The following TRABD2B variants were observed in gnomAD, a reference collection of about 807,000 sequenced individuals.
TRABD2B encodes metalloprotease TIKI2.
In TRABD2B, 14 loss-of-function variants were observed where a neutral mutation model predicts 40.1. The observed-to-expected ratio is 0.35, with a 90% CI of 0.23 to 0.55. TRABD2B has a LOEUF of 0.55. Ranked by LOEUF, TRABD2B falls within the 20% of genes least tolerant of loss-of-function variation. TRABD2B has a pLI of 0.90. For synonymous variants in TRABD2B, 263 were observed against 277.0 expected (o/e 0.95, Z 0.50); for missense variants, 541 against 648.6 (o/e 0.83, Z 1.80).
chr1:47,787,771 T>C (rs1049830878), intron 4 of TRABD2B, among the ~76,000 whole-genome samples: 4 of 150,790 alleles, frequency 2.7e-5, no homozygotes, highest in Admixed American at 2.0e-4. Flanking sequence ...TCAGGGTTGG[T>C]GCATTCATTC....
Position 47,773,119 on chromosome 1 carries a change from A to G in TRABD2B, c.1349+2051T>C, listed in dbSNP as rs542015692. ...TGACAGCCCAGCTTCCCGTCACCCC[A>G]TGGGCTGGCCCCACCACTGGCCAGG... On this transcript the variant is annotated intron_variant, in intron 6 of 6. Transcript: ENST00000606738. 9.2e-5 allele frequency among the ~76,000 whole-genome samples: 14 copies of G among 152,316 alleles called. 1 individual carries two copies. The East Asian group carries it at 2.7e-3, about 29-fold the overall frequency.
chr1:47,883,753 T>C (rs1056747078), intron 2 of TRABD2B, among the ~76,000 whole-genome samples: 1 of 152,252 alleles, frequency 6.6e-6, no homozygotes, highest in Admixed American at 6.5e-5. Context: ...GCAAACCCAC[T>C]GTTCAGTCTC....
chr1:47,893,638 T>A (rs986774699), intron 2 of TRABD2B, among the ~76,000 whole-genome samples: 2 of 152,234 alleles, frequency 1.3e-5, no homozygotes, highest in African/African-American at 4.8e-5. Context: ...GGGGAGCCCT[T>A]GTGTTTGATT....
chr1:47,795,770 C>T (rs778551319), intron 3 of TRABD2B: 4 of 887,658 alleles, frequency 4.5e-6, no homozygotes, highest in Non-Finnish European at 5.4e-6. Context: ...CATCCCTGCA[C>T]CACCACTTTC....
intron 2 of TRABD2B, among the ~76,000 whole-genome samples, chr1:47,885,349 C>T (rs1644356772): frequency 6.6e-6 from 1 of 152,192 alleles, no homozygotes; most frequent in Non-Finnish European, 1.5e-5. Context: ...TCCACTCTTA[C>T]CATGTGTATC....
chr1:47,996,556 C>G lies in TRABD2B; in HGVS notation c.102+132G>C, dbSNP rs1570438563. On this transcript the variant is annotated intron_variant, in intron 1 of 6. Coordinates refer to ENST00000606738, the MANE Select transcript of TRABD2B (RefSeq NM_001194986.2). The surrounding 1 kb of genome is among the most constrained non-coding windows in gnomAD (Gnocchi z 4.6). ...CAGGCAGGAGCGAAGGAAGGGCGCC[C>G]GAGGCTGCGCCCGGGGGGTGGAGGT... The G allele has an allele frequency of 9.2e-7, 1 of 1,081,924 alleles. No individual in the cohort carries two copies. The highest frequency in any genetic ancestry group is 1.2e-6 in the Non-Finnish European group (1 of 866,132). The allele number at this position is 1,081,924 out of a possible 1,614,324, so 67.0% of individuals were successfully genotyped here.
At chr1:47,866,373 A>G (rs1644057689) in intron 2 of TRABD2B, among the ~76,000 whole-genome samples, 1 of 152,134 alleles carries the variant, frequency 6.6e-6, no homozygotes, top group African/African-American at 2.4e-5. Flanking sequence ...TTCCTGGAAG[A>G]TCAGAGAAGG....
intron 2 of TRABD2B, among the ~76,000 whole-genome samples, chr1:47,807,969 T>C (rs1157229141): frequency 6.6e-6 from 1 of 152,210 alleles, no homozygotes; most frequent in Non-Finnish European, 1.5e-5. Flanking sequence ...GATGGTTAAT[T>C]TTATGTGTCA....
chr1:47,969,681 C>T (rs1194981196), intron 2 of TRABD2B, among the ~76,000 whole-genome samples: 1 of 152,158 alleles, frequency 6.6e-6, no homozygotes, highest in Non-Finnish European at 1.5e-5. Flanking sequence ...GACACAAAGC[C>T]TAAAACGATT....
chr1:47,841,855 C>T (rs1480639470), intron 2 of TRABD2B, among the ~76,000 whole-genome samples: 1 of 151,368 alleles, frequency 6.6e-6, no homozygotes, highest in East Asian at 1.9e-4. Context: ...TCACTGCAAC[C>T]TCTGCTTCCT....
At chr1:47,912,471 G>A (rs1644775587) in intron 2 of TRABD2B, among the ~76,000 whole-genome samples, 1 of 152,190 alleles carries the variant, frequency 6.6e-6, no homozygotes, top group South Asian at 2.1e-4. Flanking sequence ...CCGTCTTTTG[G>A]TTTTGGTTTG....
At chr1:47,946,516 C>A (rs1247298303) in intron 2 of TRABD2B, among the ~76,000 whole-genome samples, 1 of 152,094 alleles carries the variant, frequency 6.6e-6, no homozygotes, top group East Asian at 1.9e-4. Flanking sequence ...CTTCTTTAGT[C>A]TACTGATTTA....
intron 2 of TRABD2B, among the ~76,000 whole-genome samples, chr1:47,910,559 C>A (rs1644749237): frequency 6.6e-6 from 1 of 152,098 alleles, no homozygotes; most frequent in Non-Finnish European, 1.5e-5. Flanking sequence ...AGTCACAGAG[C>A]CATGCAGTGG....
At chr1:47,995,318 C>T (rs2148468414) in intron 1 of TRABD2B, among the ~76,000 whole-genome samples, 1 of 152,238 alleles carries the variant, frequency 6.6e-6, no homozygotes, top group African/African-American at 2.4e-5. Flanking sequence ...TAAAATCTTG[C>T]AAGGCCAAGT....
At position 47,977,716 on chromosome 1, in the gene TRABD2B, A is replaced by C. The variant is rs368202451; in HGVS notation, c.666+16318T>G. 4.6e-5 allele frequency among the ~76,000 whole-genome samples: 7 copies of C among 151,866 alleles called. 1 individual carries two copies. The highest frequency in any genetic ancestry group is 1.7e-4 in the African/African-American group (7 of 41,424). On this transcript the variant is annotated intron_variant, in intron 2 of 6. Coordinates refer to ENST00000606738, the MANE Select transcript of TRABD2B (RefSeq NM_001194986.2). ...AAAAACACACAGGAATAAGGAACCA[A>C]GAGGAAGGACAGGCTCCAGGAGACA...
At chr1:47,986,779 GTT>G (rs1645924571) in intron 2 of TRABD2B, among the ~76,000 whole-genome samples, 1 of 152,208 alleles carries the variant, frequency 6.6e-6, no homozygotes, top group South Asian at 2.1e-4. Context: ...TGGGGCAACA[GTT>G]TTGTGTTCCA....
chr1:47,807,932 A>G (rs1433634474), intron 2 of TRABD2B, among the ~76,000 whole-genome samples: 1 of 152,160 alleles, frequency 6.6e-6, no homozygotes, highest in African/African-American at 2.4e-5. Flanking sequence ...TGTGTATGGG[A>G]GCCCAACTGA....
chr1:47,798,107 C>T (rs964808287), intron 3 of TRABD2B, among the ~76,000 whole-genome samples: 1 of 152,150 alleles, frequency 6.6e-6, no homozygotes, highest in African/African-American at 2.4e-5. Flanking sequence ...TGGGTCTGCT[C>T]CTCTTGATGA....
intron 2 of TRABD2B, among the ~76,000 whole-genome samples, chr1:47,899,686 A>AGTG (rs986805353): frequency 2.9e-4 from 44 of 152,106 alleles, no homozygotes; most frequent in African/African-American, 9.4e-4. Flanking sequence ...TTTGTGCAAT[A>AGTG]GTGGTGGTGG....
Sources: gnomAD v4.1 joint callset for allele counts (sites outside exome capture counted in the v4.1 genomes callset) on GRCh38, gnomAD v4.1.1 for gene constraint, Gnocchi (gnomAD v3.1) non-coding constraint, MANE v1.5 for transcripts, NCBI Gene and HGNC (gene_info 2026-07-23, HGNC 2026-07-21) for gene names.